GRIK4: variants seen among roughly 807,000 people sequenced by gnomAD.
GRIK4 encodes glutamate ionotropic receptor kainate type subunit 4, also known as glutamate receptor ionotropic, kainate 4.
GRIK4 carries 40 observed loss-of-function variants against 104.9 expected under a neutral mutation model. The observed-to-expected ratio is 0.38, with a 90% CI of 0.30 to 0.50. GRIK4 has a LOEUF of 0.50. GRIK4 is among the 20% of genes least tolerant of loss of function. The pLI, the probability that GRIK4 is intolerant of heterozygous loss-of-function variation, is 0.93. For synonymous variants in GRIK4, 485 were observed against 524.9 expected (o/e 0.92, Z 1.04); for missense variants, 1,047 against 1,308.1 (o/e 0.80, Z 3.08).
chr11:120,851,708 C>T (rs746195532), intron 8 of GRIK4, among the ~76,000 whole-genome samples: 2 of 152,128 alleles, frequency 1.3e-5, no homozygotes, highest in East Asian at 1.9e-4. Context: ...GCCCCTCCCC[C>T]GCCCCCACTG....
rs568802872 is a variant in GRIK4 at position 120,985,943 on chromosome 11, A to G, written c.2554A>G (p.Ile852Val). 161 of 1,550,060 alleles carry G rather than the reference A, an allele frequency of 1.0e-4. 2 individuals are homozygous for G. In the South Asian group the frequency reaches 1.8e-3, roughly 17 times the overall value. ...CQEMVTELRS[I>V]ILCQDSIHPR... ...GGAGATGGTGACCGAGCTGCGCAGC[A>G]TTATCCTGTGTCAGGACAGTATCCA... The change falls in exon 21 of 21, where the codon ATT (isoleucine) becomes GTT (valine). Residue 852 changes from isoleucine to valine, a missense_variant. Physicochemically the swap from Ile to Val is conservative, Grantham distance 29. Transcript: ENST00000527524.
At chr11:120,622,043 G>A (rs1375583513) in intron 1 of GRIK4, among the ~76,000 whole-genome samples, 4 of 152,058 alleles carry the variant, frequency 2.6e-5, no homozygotes, top group Non-Finnish European at 5.9e-5. Flanking sequence ...TGTGACTACA[G>A]GCCCCCGCCA....
chr11:120,649,224 A>T (rs995086653), intron 1 of GRIK4, among the ~76,000 whole-genome samples: 4 of 152,000 alleles, frequency 2.6e-5, no homozygotes, highest in Non-Finnish European at 4.4e-5. Flanking sequence ...GGGAGGGCTG[A>T]GGGGGGCTGA....
intron 5 of GRIK4, among the ~76,000 whole-genome samples, chr11:120,816,611 T>C (rs7121527): frequency 0.48 from 72,694 of 151,822 alleles, 18,130 homozygotes; most frequent in African/African-American, 0.63. Context: ...GCCCACCCCA[T>C]GCCTGCTGGG....
At chr11:120,638,581 C>T (rs191258144) in intron 1 of GRIK4, among the ~76,000 whole-genome samples, 1 of 151,906 alleles carries the variant, frequency 6.6e-6, no homozygotes, top group East Asian at 2.0e-4. Context: ...GGGTTCACGC[C>T]ATTCTCCTGC....
chr11:120,776,629 G>C (rs143367204), intron 3 of GRIK4, among the ~76,000 whole-genome samples: 10 of 152,242 alleles, frequency 6.6e-5, no homozygotes, highest in Non-Finnish European at 1.3e-4. Flanking sequence ...CTGAGGGTCA[G>C]GAATGTGGGA....
intron 14 of GRIK4, among the ~76,000 whole-genome samples, chr11:120,942,578 C>T (rs1379501415): frequency 6.6e-6 from 1 of 152,168 alleles, no homozygotes; most frequent in Non-Finnish European, 1.5e-5. Context: ...CCAGGAAACA[C>T]CTACTGCTAG....
At chr11:120,780,245 A>G (rs1046759798) in intron 3 of GRIK4, among the ~76,000 whole-genome samples, 8 of 152,228 alleles carry the variant, frequency 5.3e-5, no homozygotes, top group Non-Finnish European at 1.0e-4. Flanking sequence ...TTGCTGTACA[A>G]CCATCACCAC....
chr11:120,679,539 G>A (rs1950157792), intron 3 of GRIK4, among the ~76,000 whole-genome samples: 1 of 152,228 alleles, frequency 6.6e-6, no homozygotes, highest in South Asian at 2.1e-4. Flanking sequence ...TGCATGGCAG[G>A]CAGGGTGTCT....
intron 4 of GRIK4, among the ~76,000 whole-genome samples, chr11:120,814,525 C>T (rs1037732681): frequency 1.3e-5 from 2 of 152,022 alleles, no homozygotes; most frequent in African/African-American, 2.4e-5. Flanking sequence ...ACCTGGGAGG[C>T]GGAGGTTGCA....
In GRIK4 at chr11:120,987,104, C is replaced by G. The variant is rs557939949; in HGVS notation, c.*844C>G. On this transcript the variant is annotated 3_prime_UTR_variant, in exon 21 of 21. Coordinates refer to ENST00000527524, the MANE Select transcript of GRIK4 (RefSeq NM_014619.5). The stretch of plus-strand genomic sequence containing the variant: ...CTGTCTTTTCTTTCCCTTTCTCTTT[C>G]TGACTGTCACTATTACTGGGTTTGA... The G allele has an allele frequency of 6.6e-6, 1 of 152,406 alleles. No homozygotes were observed. Among genetic ancestry groups the G allele is most frequent in the South Asian group, 2.1e-4 (1 of 4,828 alleles). 9.4% of individuals were successfully genotyped at this position (152,406 alleles called of 1,614,324 possible). A position where few individuals can be genotyped will look rare whatever the true frequency, so the allele number is the denominator to read the frequency against.
intron 9 of GRIK4, among the ~76,000 whole-genome samples, chr11:120,863,639 G>A (rs1041532838): frequency 5.9e-5 from 9 of 152,234 alleles, no homozygotes; most frequent in African/African-American, 2.2e-4. Context: ...CTCCTGGAGT[G>A]GGAAATTCTC....
rs117273763 is a variant in GRIK4 at position 120,915,422 on chromosome 11, G to A, written c.1476+9929G>A. Among the ~76,000 whole-genome samples the A allele has an allele frequency of 3.2e-4, 49 of 152,062 alleles. 1 individual carries two copies. The East Asian group carries it at 5.6e-3, about 17-fold the overall frequency. ...TTTTTTCTTCTGAGATGTCTGTATCGGCTGCCAGGCTGCGGCTGGGCTCTC... is the reference window on the plus strand; with the variant it reads ...TTTTTTCTTCTGAGATGTCTGTATCAGCTGCCAGGCTGCGGCTGGGCTCTC... On this transcript the variant is annotated intron_variant, in intron 13 of 20. Coordinates refer to ENST00000527524, the MANE Select transcript of GRIK4 (RefSeq NM_014619.5).
At chr11:120,768,820 C>G (rs755801824) in intron 3 of GRIK4, among the ~76,000 whole-genome samples, 1 of 152,158 alleles carries the variant, frequency 6.6e-6, no homozygotes, top group African/African-American at 2.4e-5. Flanking sequence ...ATCTTTCATT[C>G]TATTAATGTG....
intron 1 of GRIK4, among the ~76,000 whole-genome samples, chr11:120,544,411 T>C (rs1348110376): frequency 6.6e-6 from 1 of 152,058 alleles, no homozygotes; most frequent in African/African-American, 2.4e-5. Flanking sequence ...GCTCACTGCA[T>C]CCTCTGCCTC....
chr11:120,585,078 A>G (rs1380225506), intron 1 of GRIK4, among the ~76,000 whole-genome samples: 4 of 152,234 alleles, frequency 2.6e-5, no homozygotes. Flanking sequence ...ACCTCACAGA[A>G]TGAGTTAGGG....
chr11:120,961,425 T>C (rs377598294), intron 17 of GRIK4, among the ~76,000 whole-genome samples: 2 of 152,350 alleles, frequency 1.3e-5, no homozygotes, highest in East Asian at 1.9e-4. Context: ...GTTTTATTTA[T>C]ATTACTGCAT....
chr11:120,958,118 G>A (rs732480), intron 16 of GRIK4, among the ~76,000 whole-genome samples: 25,944 of 152,210 alleles, frequency 0.17, 2,352 homozygotes, highest in East Asian at 0.31. Flanking sequence ...GAGGAGCATC[G>A]GGGGATGTCG....
rs780461091 is a variant in GRIK4, at chr11:120,802,767, A to C, written c.157A>C (p.Asn53His). The C allele has an allele frequency of 5.0e-5, 81 of 1,614,062 alleles. No individual in the cohort carries two copies. The highest frequency in any genetic ancestry group is 6.9e-5 in the Non-Finnish European group (81 of 1,180,000). The change falls in exon 4 of 21, where the codon AAC becomes CAC. Residue 53 changes from asparagine (N) to histidine (H), a missense_variant. Asn to His is a moderately conservative substitution (Grantham distance 68, BLOSUM62 1). This residue lies in a region of GRIK4 where 447 missense variants were observed against 514.9 expected (regional missense o/e 0.87). Coordinates refer to ENST00000527524, the MANE Select transcript of GRIK4 (RefSeq NM_014619.5). The part of the protein sequence containing the change: ...LSITLAKNRI[N>H]RAPERLGKAK... ...CATCACCCTGGCCAAGAACCGCATC[A>C]ACCGCGCTCCTGAGAGGCTGGGCAA...
Sources: gnomAD v4.1 joint callset for allele counts (sites outside exome capture counted in the v4.1 genomes callset) on GRCh38, gnomAD v4.1.1 for gene constraint, gnomAD v4.1.1 regional missense constraint, MANE v1.5 for transcripts, NCBI Gene and HGNC (gene_info 2026-07-23, HGNC 2026-07-21) for gene names.